Variants in EPHA6 observed in about 807,000 individuals in gnomAD.
The protein encoded by EPHA6 is ephrin type-A receptor 6.
In EPHA6, 50 loss-of-function variants were observed where a neutral mutation model predicts 112.0. That is an observed-to-expected ratio of 0.45 (90% CI 0.36 to 0.56). EPHA6 has a LOEUF of 0.56. Among genes scored for constraint, EPHA6 ranks in the 20% least tolerant of loss-of-function variants. The pLI, the probability that EPHA6 is intolerant of heterozygous loss-of-function variation, is 0.00. For synonymous variants in EPHA6, 529 were observed against 490.7 expected (o/e 1.08, Z -1.03); for missense variants, 1,280 against 1,417.4 (o/e 0.90, Z 1.56).
chr3:97,322,596 C>G (rs1220251974), intron 5 of EPHA6, among the ~76,000 whole-genome samples: 1 of 151,934 alleles, frequency 6.6e-6, no homozygotes, highest in East Asian at 1.9e-4. Flanking sequence ...TGATTTATAT[C>G]ATTTATTAAT....
chr3:97,485,855 T>C (rs147274369), intron 10 of EPHA6, among the ~76,000 whole-genome samples: 1 of 152,226 alleles, frequency 6.6e-6, no homozygotes, highest in Non-Finnish European at 1.5e-5. Flanking sequence ...TGTCTTTTTA[T>C]ACTGCCTTGT....
At chr3:97,646,002 T>G in intron 14 of EPHA6, 1 of 701,278 alleles carries the variant, frequency 1.4e-6, no homozygotes, top group Non-Finnish European at 2.1e-6. Flanking sequence ...GGGGAGAGGT[T>G]TGTAATCTTC....
intron 5 of EPHA6, among the ~76,000 whole-genome samples, chr3:97,384,167 C>G (rs1413930900): frequency 6.6e-6 from 1 of 152,022 alleles, no homozygotes; most frequent in East Asian, 1.9e-4. Context: ...TAATAACAAG[C>G]CAACTATTTT....
At chr3:97,623,660 C>T (rs767250297) in intron 13 of EPHA6, among the ~76,000 whole-genome samples, 2 of 151,428 alleles carry the variant, frequency 1.3e-5, no homozygotes, top group Non-Finnish European at 3.0e-5. Flanking sequence ...CTCTTTTCAC[C>T]CTCTTTTACA....
intron 11 of EPHA6, among the ~76,000 whole-genome samples, chr3:97,553,536 GGAGA>G (rs972285969): frequency 4.0e-5 from 6 of 151,240 alleles, no homozygotes; most frequent in South Asian, 2.1e-4. Context: ...CATGGCTGCA[GGAGA>G]GAGAGAGAGA....
In EPHA6 at chr3:97,729,710, C is replaced by CTT. The variant is rs5851077; in HGVS notation, c.2935-6207_2935-6206dup. Among the ~76,000 whole-genome samples, 1,014 of 150,950 alleles carry CTT rather than the reference C, an allele frequency of 6.7e-3. 5 individuals carry two copies. Among genetic ancestry groups the CTT allele is most frequent in the Non-Finnish European group, 8.4e-3 (566 of 67,606 alleles). ...TCCTTCTGCCTTATTTTTTCTTTTT[C>CTT]TTTTTTTTTGCTCATGTAGACACAA... On this transcript the variant is annotated intron_variant, in intron 15 of 17. Transcript: ENST00000389672.
chr3:97,199,633 C>T (rs1018528612), intron 3 of EPHA6, among the ~76,000 whole-genome samples: 2 of 152,150 alleles, frequency 1.3e-5, no homozygotes, highest in East Asian at 1.9e-4. Context: ...GTCTTAACCT[C>T]TGTGAAATTA....
intron 7 of EPHA6, among the ~76,000 whole-genome samples, chr3:97,459,772 T>C (rs2090823496): frequency 6.6e-6 from 1 of 152,232 alleles, no homozygotes; most frequent in Admixed American, 6.5e-5. Flanking sequence ...CTAGAGACGA[T>C]TTTAGCCTTA....
chr3:96,874,915 G>A (rs1474214071), intron 2 of EPHA6, among the ~76,000 whole-genome samples: 1 of 151,856 alleles, frequency 6.6e-6, no homozygotes, highest in East Asian at 1.9e-4. Flanking sequence ...AGGAGAGCAG[G>A]AAAAAAATCC....
chr3:96,926,280 C>T (rs2040030793), intron 2 of EPHA6, among the ~76,000 whole-genome samples: 1 of 152,094 alleles, frequency 6.6e-6, no homozygotes, highest in African/African-American at 2.4e-5. Context: ...GTGAAACCAA[C>T]CCCATGATCC....
At chr3:97,015,928 T>C (rs1197117591) in intron 3 of EPHA6, among the ~76,000 whole-genome samples, 1 of 152,166 alleles carries the variant, frequency 6.6e-6, no homozygotes, top group Non-Finnish European at 1.5e-5. Context: ...AAATCAGTGT[T>C]TTTACATCCA....
chr3:97,301,076 A>G lies in EPHA6; in HGVS notation c.1606+56789A>G, dbSNP rs2081072416. Among the ~76,000 whole-genome samples, 4 of 152,244 alleles carry G rather than the reference A, an allele frequency of 2.6e-5. No homozygotes were observed. The South Asian group carries it at 8.3e-4, about 32-fold the overall frequency. ...TCTCATTTTCAGCTTCTGTTGATCC[A>G]AATAGTAGTCCTAGGAACAGTCTTC... On this transcript the variant is annotated intron_variant, in intron 5 of 17. Transcript: ENST00000389672.
At chr3:97,004,786 A>G (rs1318554364) in intron 3 of EPHA6, among the ~76,000 whole-genome samples, 3 of 152,146 alleles carry the variant, frequency 2.0e-5, no homozygotes, top group African/African-American at 7.2e-5. Context: ...TTTACATTTA[A>G]GTATTTAATC....
chr3:96,905,304 A>G (rs1410790611), intron 2 of EPHA6, among the ~76,000 whole-genome samples: 2 of 152,126 alleles, frequency 1.3e-5, no homozygotes, highest in South Asian at 2.1e-4. Context: ...TTATAGAAAT[A>G]TTTTGTTTTA....
intron 5 of EPHA6, among the ~76,000 whole-genome samples, chr3:97,345,148 A>C (rs1243391789): frequency 1.3e-5 from 2 of 152,208 alleles, no homozygotes; most frequent in Non-Finnish European, 2.9e-5. Flanking sequence ...TAACATTGAG[A>C]ATATGTCCAA....
intron 1 of EPHA6, among the ~76,000 whole-genome samples, chr3:96,851,623 C>T (rs768768802): frequency 1.4e-4 from 21 of 152,014 alleles, no homozygotes; most frequent in Non-Finnish European, 2.9e-4. Context: ...TAAGGAGACC[C>T]GTTAAACTTG....
intron 2 of EPHA6, among the ~76,000 whole-genome samples, chr3:96,942,884 T>G (rs566287659): frequency 6.6e-6 from 1 of 152,320 alleles, no homozygotes; most frequent in Admixed American, 6.5e-5. Context: ...GACTTTTTTT[T>G]TTTAACTGAA....
chr3:97,697,482 A>G lies in EPHA6; in HGVS notation c.2785-22779A>G, dbSNP rs370438860. ...TGTATGGCTTCTAGGAACAAGTGGGATGCTTCTTAGTCCGTCATGAAAACC... is the reference window on the plus strand; with the variant it reads ...TGTATGGCTTCTAGGAACAAGTGGGGTGCTTCTTAGTCCGTCATGAAAACC... On this transcript the variant is annotated intron_variant, in intron 14 of 17. Coordinates refer to ENST00000389672, the MANE Select transcript of EPHA6 (RefSeq NM_001080448.3). 2.6e-5 allele frequency among the ~76,000 whole-genome samples: 4 copies of G among 152,330 alleles called. No individual in the cohort carries two copies. In the East Asian group the frequency reaches 5.8e-4, roughly 22 times the overall value.
rs185306703 is a variant in EPHA6 at position 97,233,853 on chromosome 3, G to A, written c.1270+7434G>A. Reference sequence around the variant, plus strand: ...TGAAGAACTAAAATTGTGGAAATGAGTAACCAAAATATTTGGCCAGTAAAT... The same window carrying A: ...TGAAGAACTAAAATTGTGGAAATGAATAACCAAAATATTTGGCCAGTAAAT... On this transcript the variant is annotated intron_variant, in intron 4 of 17. Coordinates refer to ENST00000389672, the MANE Select transcript of EPHA6 (RefSeq NM_001080448.3). Among the ~76,000 whole-genome samples the A allele has an allele frequency of 7.2e-5, 11 of 152,242 alleles. No individual in the cohort carries two copies. The East Asian group carries it at 1.7e-3, about 24-fold the overall frequency.
Sources: allele counts gnomAD v4.1 joint callset (sites outside exome capture counted in the v4.1 genomes callset), GRCh38; gene constraint gnomAD v4.1.1; transcripts MANE v1.5; gene names NCBI Gene and HGNC (gene_info 2026-07-23, HGNC 2026-07-21).